SCN1A: variants seen among roughly 807,000 people sequenced by gnomAD.
SCN1A encodes sodium channel protein type 1 subunit alpha.
A neutral mutation model predicts 193.7 loss-of-function variants in SCN1A; 13 were observed. That is an observed-to-expected ratio of 0.07 (90% CI 0.04 to 0.11). SCN1A has a LOEUF of 0.11. Ranked by LOEUF, SCN1A falls within the 10% of genes least tolerant of loss-of-function variation. The pLI is 1.00. For missense variants in SCN1A, 1,432 were observed against 2,451.1 expected, an observed-to-expected ratio of 0.58 and a Z score of 8.78; for synonymous variants, 781 against 843.6, an observed-to-expected ratio of 0.93 and a Z score of 1.29.
chr2:166,017,169 G>A (rs1693418318), intron 19 of SCN1A, among the ~76,000 whole-genome samples: 1 of 151,548 alleles, frequency 6.6e-6, no homozygotes, highest in Admixed American at 6.6e-5. Context: ...TCTCACTGAA[G>A]ACTAATTTCA....
Position 165,991,301 on chromosome 2 carries a change from G to A in SCN1A, c.5974C>T (p.Pro1992Ser). The A allele has an allele frequency of 6.2e-7, 1 of 1,613,340 alleles. No homozygotes were observed. The highest frequency in any genetic ancestry group is 8.5e-7 in the Non-Finnish European group (1 of 1,179,760). The part of the protein sequence containing the change: ...CPPSYDRVTK[P>S]IVEKHEQEGK... ...TCTTGCTCATGTTTTTCCACAATTG[G>A]CTTTGTCACCCGGTCATAGGAAGGT... Residue 1992 changes from proline (P) to serine (S), a missense_variant, in exon 29 of 29, where the codon CCA becomes TCA. Physicochemically the swap from Pro to Ser is moderately conservative, Grantham distance 74. Around this residue, in one of 18 missense-constraint regions of SCN1A, gnomAD observed 148 missense variants for 160.3 expected, o/e 0.92. Coordinates refer to ENST00000674923, the MANE Select transcript of SCN1A (RefSeq NM_001165963.4).
intron 26 of SCN1A, among the ~76,000 whole-genome samples, chr2:165,997,154 CCTCT>C (rs1362895944): frequency 6.6e-6 from 1 of 150,688 alleles, no homozygotes; most frequent in Non-Finnish European, 1.5e-5. Flanking sequence ...ATTTTCTGTC[CCTCT>C]CTCTTTTTTT....
Sources: gnomAD v4.1 joint callset for allele counts (sites outside exome capture counted in the v4.1 genomes callset) on GRCh38, gnomAD v4.1.1 for gene constraint, gnomAD v4.1.1 regional missense constraint, MANE v1.5 for transcripts, NCBI Gene and HGNC (gene_info 2026-07-23, HGNC 2026-07-21) for gene names.